Variants in ZDHHC22 observed in about 807,000 individuals in gnomAD.
ZDHHC22 encodes palmitoyltransferase ZDHHC22.
ZDHHC22 carries 13 observed loss-of-function variants against 17.0 expected under a neutral mutation model. The observed-to-expected ratio is 0.76, with a 90% CI of 0.50 to 1.21. The LOEUF is 1.21. Ranked by LOEUF, ZDHHC22 falls within the 50% of genes most tolerant of loss-of-function variation. The probability of loss-of-function intolerance (pLI) is 0.00; values close to 1 mark genes in which losing one functional copy is unlikely to be tolerated. For missense variants in ZDHHC22, 319 were observed against 342.3 expected (o/e 0.93, Z 0.54); for synonymous variants, 138 against 154.7 (o/e 0.89, Z 0.80).
At chr14:77,137,314 C>T (rs1378232971) in intron 2 of ZDHHC22, among the ~76,000 whole-genome samples, 1 of 152,200 alleles carries the variant, frequency 6.6e-6, no homozygotes, top group Non-Finnish European at 1.5e-5. Context: ...GGAGTCTGGG[C>T]CCCAAGGTGG....
intron 2 of ZDHHC22, among the ~76,000 whole-genome samples, chr14:77,134,409 G>A (rs1211607323): frequency 6.6e-6 from 1 of 152,178 alleles, no homozygotes; most frequent in Non-Finnish European, 1.5e-5. Flanking sequence ...CTAGTCCACA[G>A]CACCTTCTCC....
chr14:77,139,095 G>T (rs937859878), intron 2 of ZDHHC22, 118 bp downstream of exon 2: 5 of 1,100,528 alleles, frequency 4.5e-6, no homozygotes, highest in African/African-American at 1.6e-5. Context: ...TTAGCGGGAC[G>T]GTCTGTATTT....
Position 77,139,375 on chromosome 14 carries a change from T to C in ZDHHC22, c.364A>G (p.Asn122Asp). ...CAGAACAGGACGAAGTTGCGCATGTTCCTGCTGCCGATGCAGTTGCCGGTG... is the reference window on the plus strand; with the variant it reads ...CAGAACAGGACGAAGTTGCGCATGTCCCTGCTGCCGATGCAGTTGCCGGTG... The part of the protein sequence containing the change: ...FFTGNCIGSR[N>D]MRNFVLFCLY... Residue 122 changes from asparagine (N) to aspartate (D), a missense_variant, in exon 2 of 3, where the codon AAC becomes GAC. Asn to Asp is a conservative substitution (Grantham distance 23). Coordinates refer to ENST00000319374, the MANE Select transcript of ZDHHC22 (RefSeq NM_174976.2). 1 of 1,604,876 alleles carries C rather than the reference T, an allele frequency of 6.2e-7. No individual in the cohort carries two copies. Among genetic ancestry groups the C allele is most frequent in the Non-Finnish European group, 8.5e-7 (1 of 1,176,076 alleles).
intron 2 of ZDHHC22, among the ~76,000 whole-genome samples, chr14:77,136,891 C>T (rs776358709): frequency 1.3e-5 from 2 of 152,220 alleles, no homozygotes; most frequent in Non-Finnish European, 2.9e-5. Context: ...TCACCTCAGC[C>T]TCCTGAGTAG....
In ZDHHC22 at chr14:77,139,491, G is replaced by A. The variant is rs200313152; in HGVS notation, c.248C>T (p.Ser83Leu). The A allele has an allele frequency of 1.9e-6, 3 of 1,612,548 alleles. No homozygotes were observed. The highest frequency in any genetic ancestry group is 2.5e-6 in the Non-Finnish European group (3 of 1,179,462). The change falls in exon 2 of 3, where the codon TCG becomes TTG. Residue 83 changes from serine (S) to leucine (L), a missense_variant. Ser to Leu is a moderately radical substitution (Grantham distance 145). Coordinates refer to ENST00000319374, the MANE Select transcript of ZDHHC22 (RefSeq NM_174976.2). ...TGAGGGGCATGGAGTCTTCCTGGCC[G>A]AGGCCCCCTGGCAGGCCCCCAGGTC... ...PDDLGACQGA[S>L]ARKTPCPSPS...
intron 2 of ZDHHC22, among the ~76,000 whole-genome samples, chr14:77,137,748 G>A (rs923983785): frequency 3.9e-5 from 6 of 152,236 alleles, no homozygotes; most frequent in African/African-American, 1.4e-4. Context: ...GAACTGGGCT[G>A]TAGCCACCAC....
At chr14:77,139,906 C>G (rs1296567069) in intron 1 of ZDHHC22, among the ~76,000 whole-genome samples, 154 bp from the exon 2 acceptor site, 1 of 152,180 alleles carries the variant, frequency 6.6e-6, no homozygotes, top group Admixed American at 6.5e-5. Context: ...TTCCCTAACC[C>G]CGGATCAGGC....
Position 77,137,171 on chromosome 14 carries a change from A to C in ZDHHC22, c.526+2042T>G, listed in dbSNP as rs565987834. On this transcript the variant is annotated intron_variant, in intron 2 of 2. Transcript: ENST00000319374. ...GGTGTATGTCATGGGAGGGAAAGAA[A>C]GGAAGGTCCTCAAGAGGAAAGATGA... 4.6e-5 allele frequency among the ~76,000 whole-genome samples: 7 copies of C among 152,308 alleles called. No homozygotes were observed. In the South Asian group the frequency reaches 1.5e-3, roughly 32 times the overall value.
chr14:77,132,850 A>G lies in ZDHHC22; in HGVS notation c.*833T>C, dbSNP rs1380547308. ...CACACACACACACACACACACTTCCATATGGTTATACAGTCGAATATCCCC... is the reference window on the plus strand; with the variant it reads ...CACACACACACACACACACACTTCCGTATGGTTATACAGTCGAATATCCCC... On this transcript the variant is annotated 3_prime_UTR_variant, in exon 3 of 3. Transcript: ENST00000319374. The G allele has an allele frequency of 6.7e-6, 1 of 150,208 alleles. No individual in the cohort carries two copies. The highest frequency in any genetic ancestry group is 1.5e-5 in the Non-Finnish European group (1 of 67,674). The allele number at this position is 150,208 out of a possible 1,614,324, so 9.3% of individuals were successfully genotyped here. A position where few individuals can be genotyped will look rare whatever the true frequency, so the allele number is the denominator to read the frequency against.
intron 2 of ZDHHC22, among the ~76,000 whole-genome samples, chr14:77,136,256 G>A (rs10148179): frequency 0.11 from 16,615 of 151,456 alleles, 2,236 homozygotes; most frequent in African/African-American, 0.32. Context: ...GTTTGGAATC[G>A]TACCAGCTGT....
rs907664416 is a variant in ZDHHC22 at position 77,133,609 on chromosome 14, A to G, written c.*74T>C. ...CAAGGTTGTAGTGAGTCATGGGTGG[A>G]GACAAGGCTGCCATGGTTTTATGCT... On this transcript the variant is annotated 3_prime_UTR_variant, in exon 3 of 3. Coordinates refer to ENST00000319374, the MANE Select transcript of ZDHHC22 (RefSeq NM_174976.2). The G allele has an allele frequency of 2.6e-6, 4 of 1,548,916 alleles. No homozygotes were observed. Among genetic ancestry groups the G allele is most frequent in the African/African-American group, 2.7e-5 (2 of 73,502 alleles).
intron 2 of ZDHHC22, among the ~76,000 whole-genome samples, chr14:77,136,442 G>A (rs1887138048): frequency 6.6e-6 from 1 of 152,146 alleles, no homozygotes; most frequent in East Asian, 1.9e-4. Context: ...CTTTCTGGTA[G>A]CACCCATCAT....
At chr14:77,141,400 C>T (rs1887253004) in intron 1 of ZDHHC22, 1 of 152,632 alleles carries the variant, frequency 6.6e-6, no homozygotes, top group African/African-American at 2.4e-5. Flanking sequence ...CCGTGGGGCC[C>T]CGGGGTGTAG....
In ZDHHC22 at chr14:77,139,237, T is replaced by C. The variant is rs1887195662; in HGVS notation, c.502A>G (p.Thr168Ala). The C allele has an allele frequency of 1.1e-5, 17 of 1,585,308 alleles. No homozygotes were observed. The highest frequency in any genetic ancestry group is 1.5e-5 in the Non-Finnish European group (17 of 1,166,280). The change falls in exon 2 of 3, where the codon ACC (threonine) becomes GCC (alanine). Residue 168 changes from threonine to alanine, a missense_variant. Coordinates refer to ENST00000319374, the MANE Select transcript of ZDHHC22 (RefSeq NM_174976.2). ...CCGGAGAAGAACTGGCTGATGGAGG[T>C]GGGCAGGAGCGTGAGGAAGGCCAAG... ...HPLAFLTLLP[T>A]SISQFFSGAV...
intron 2 of ZDHHC22, among the ~76,000 whole-genome samples, chr14:77,136,872 G>A (rs1887146630): frequency 6.6e-6 from 1 of 152,198 alleles, no homozygotes; most frequent in Admixed American, 6.5e-5. Flanking sequence ...TTGGGCTCAA[G>A]CAATTCTCTC....
chr14:77,131,701 C>T lies in ZDHHC22; in HGVS notation c.*1982G>A, dbSNP rs1887029651. The T allele has an allele frequency of 6.6e-6, 1 of 152,232 alleles. No homozygotes were observed. The highest frequency in any genetic ancestry group is 2.4e-5 in the African/African-American group (1 of 41,444). 9.4% of individuals were successfully genotyped at this position (152,232 alleles called of 1,614,324 possible). Reference sequence around the variant, plus strand: ...TCCAAATGACCTGCCCCACCAACCACCAAGATGGCAGAGTGACCATTTTGC... The same window carrying T: ...TCCAAATGACCTGCCCCACCAACCATCAAGATGGCAGAGTGACCATTTTGC... On this transcript the variant is annotated 3_prime_UTR_variant, in exon 3 of 3. Coordinates refer to ENST00000319374, the MANE Select transcript of ZDHHC22 (RefSeq NM_174976.2).
intron 2 of ZDHHC22, among the ~76,000 whole-genome samples, chr14:77,134,270 A>G (rs1160023139): frequency 6.6e-6 from 1 of 152,136 alleles, no homozygotes; most frequent in Non-Finnish European, 1.5e-5. Flanking sequence ...ACATTTCTGT[A>G]GAGTAGGAGA....
In ZDHHC22 at chr14:77,140,079, C is replaced by G. The variant is rs1037287333; in HGVS notation, c.-14-327G>C. ...TAGGAGTTGTGAGGGTGGGGGGCAC[C>G]GGGGGATAGGACTCCTCCCCTCTGT... On this transcript the variant is annotated intron_variant, in intron 1 of 2. Coordinates refer to ENST00000319374, the MANE Select transcript of ZDHHC22 (RefSeq NM_174976.2). This position sits in a 1 kb window ranked among gnomAD's most constrained non-coding sequence, Gnocchi z 5.9. 6.6e-6 allele frequency among the ~76,000 whole-genome samples: 1 copy of G among 152,020 alleles called. No homozygotes were observed. The highest frequency in any genetic ancestry group is 2.4e-5 in the African/African-American group (1 of 41,366).
intron 2 of ZDHHC22, 31 bp from the exon 3 acceptor site, chr14:77,133,979 G>A: frequency 2.0e-6 from 3 of 1,530,158 alleles, no homozygotes; most frequent in Non-Finnish European, 2.6e-6. Context: ...AAACACCAGA[G>A]CCGCTTTACA....
Sources: gnomAD v4.1 joint callset for allele counts (sites outside exome capture counted in the v4.1 genomes callset) on GRCh38, gnomAD v4.1.1 for gene constraint, Gnocchi (gnomAD v3.1) non-coding constraint, MANE v1.5 for transcripts, NCBI Gene and HGNC (gene_info 2026-07-23, HGNC 2026-07-21) for gene names.